RAP1GAP2: variants seen among roughly 807,000 people sequenced by gnomAD.
RAP1GAP2 encodes RAP1 GTPase activating protein 2.
A neutral mutation model predicts 95.0 loss-of-function variants in RAP1GAP2; 27 were observed. The ratio of observed to expected loss-of-function variants is 0.28; its 90% CI spans 0.21 to 0.39. RAP1GAP2 has a LOEUF of 0.39. Among genes scored for constraint, RAP1GAP2 ranks in the 10% least tolerant of loss-of-function variants. RAP1GAP2 has a pLI of 1.00. For synonymous variants in RAP1GAP2, 373 were observed against 380.9 expected (o/e 0.98, Z 0.24); for missense variants, 771 against 970.0 (o/e 0.79, Z 2.72).
chr17:2,990,219 G>C (rs1214823696), intron 11 of RAP1GAP2, among the ~76,000 whole-genome samples: 1 of 152,138 alleles, frequency 6.6e-6, no homozygotes, highest in African/African-American at 2.4e-5. Context: ...CATTTTCTGT[G>C]GACATGTTTT....
intron 12 of RAP1GAP2, among the ~76,000 whole-genome samples, chr17:2,993,620 GCT>G (rs1262720456): frequency 6.6e-6 from 1 of 150,734 alleles, no homozygotes; most frequent in Non-Finnish European, 1.5e-5. Flanking sequence ...ATAAGATAAT[GCT>G]CACGAAACAC....
At chr17:2,822,494 G>T (rs9914978) in intron 2 of RAP1GAP2, among the ~76,000 whole-genome samples, 29,054 of 151,892 alleles carry the variant, frequency 0.19, 4,296 homozygotes, top group African/African-American at 0.42. Flanking sequence ...GTGTTGTGTG[G>T]TATGTGCCTG....
At chr17:2,767,795 C>G (rs895864051) in intron 1 of RAP1GAP2, among the ~76,000 whole-genome samples, 1 of 150,946 alleles carries the variant, frequency 6.6e-6, no homozygotes, top group Non-Finnish European at 1.5e-5. Flanking sequence ...TGCGGTGGCA[C>G]GATCTTGGCT....
chr17:2,852,923 A>G (rs1219160674), intron 2 of RAP1GAP2, among the ~76,000 whole-genome samples: 1 of 152,010 alleles, frequency 6.6e-6, no homozygotes, highest in Non-Finnish European at 1.5e-5. Context: ...GAAGGAGATG[A>G]GGCTCGCGCG....
intron 18 of RAP1GAP2, among the ~76,000 whole-genome samples, chr17:3,018,708 T>C (rs893282191): frequency 3.9e-5 from 6 of 152,148 alleles, no homozygotes; most frequent in Admixed American, 1.3e-4. Flanking sequence ...TGTTCCCATT[T>C]GAGGAAAAGG....
chr17:2,772,856 T>C (rs954811405), upstream of RAP1GAP2, among the ~76,000 whole-genome samples: 5 of 121,112 alleles, frequency 4.1e-5, no homozygotes, highest in Non-Finnish European at 8.6e-5. Flanking sequence ...TCTTTCTTTC[T>C]TTTTTTTTTT....
chr17:2,818,186 C>T (rs2070117576), intron 2 of RAP1GAP2, among the ~76,000 whole-genome samples: 1 of 151,914 alleles, frequency 6.6e-6, no homozygotes, highest in African/African-American at 2.4e-5. Context: ...ATAAAACACA[C>T]ACATAAAGTT....
intron 2 of RAP1GAP2, among the ~76,000 whole-genome samples, chr17:2,819,795 C>CTTT (rs539808008): frequency 2.9e-5 from 4 of 138,216 alleles, no homozygotes; most frequent in Non-Finnish European, 4.7e-5. Flanking sequence ...TCTCTTTCTC[C>CTTT]TTTTTTTTTT....
rs1285907359 is a variant in RAP1GAP2 at position 2,781,518 on chromosome 17, G to A, written c.-14+4240G>A. On this transcript the variant is annotated intron_variant, in intron 1 of 24. Transcript: ENST00000540393. ...CTGAGCACACCCCTGTGTGTGCACC[G>A]TGTGAGCACGTCTCTGTGTGAGCAC... Among the ~76,000 whole-genome samples, 8 of 152,082 alleles carry A rather than the reference G, an allele frequency of 5.3e-5. No individual in the cohort carries two copies. In the South Asian group the frequency reaches 6.2e-4, roughly 12 times the overall value.
intron 3 of RAP1GAP2, among the ~76,000 whole-genome samples, chr17:2,920,164 C>T (rs1174500391): frequency 1.3e-5 from 2 of 152,186 alleles, no homozygotes; most frequent in Non-Finnish European, 1.5e-5. Context: ...ACCACCACGC[C>T]CTGCTAGGCT....
At chr17:2,998,976 C>T (rs907595241) in intron 14 of RAP1GAP2, among the ~76,000 whole-genome samples, 1 of 152,110 alleles carries the variant, frequency 6.6e-6, no homozygotes, top group African/African-American at 2.4e-5. Flanking sequence ...AGAGGAGGGG[C>T]CTGGTAGACC....
Position 2,796,651 on chromosome 17 carries a change from G to T in RAP1GAP2, c.44+80G>T. 1 of 1,469,126 alleles carries T rather than the reference G, an allele frequency of 6.8e-7. No individual in the cohort carries two copies. Among genetic ancestry groups the T allele is most frequent in the Non-Finnish European group, 9.3e-7 (1 of 1,072,358 alleles). 91.0% of individuals were successfully genotyped at this position (1,469,126 alleles called of 1,614,324 possible). On this transcript the variant is annotated intron_variant, in intron 1 of 24. Transcript: ENST00000254695. The surrounding 1 kb of genome is among the most constrained non-coding windows in gnomAD (Gnocchi z 4.7). ...TCTTGTTAAGTGCATTGGCGGCCGTGGGAACAGAGGGGCTCGGGCTGTGCC... is the reference window on the plus strand; with the variant it reads ...TCTTGTTAAGTGCATTGGCGGCCGTTGGAACAGAGGGGCTCGGGCTGTGCC...
At chr17:2,897,303 A>G (rs1380742981) in intron 2 of RAP1GAP2, among the ~76,000 whole-genome samples, 4 of 151,914 alleles carry the variant, frequency 2.6e-5, no homozygotes, top group East Asian at 3.9e-4. Context: ...GTGCCATTGC[A>G]CTCCAACCTG....
At chr17:2,898,526 G>T (rs1343601576) in intron 2 of RAP1GAP2, among the ~76,000 whole-genome samples, 3 of 152,204 alleles carry the variant, frequency 2.0e-5, no homozygotes, top group Non-Finnish European at 4.4e-5. Context: ...CTGTCCCCTT[G>T]GGGCTTGGAA....
At chr17:2,809,629 A>G (rs1202057793) in intron 2 of RAP1GAP2, among the ~76,000 whole-genome samples, 3 of 152,206 alleles carry the variant, frequency 2.0e-5, no homozygotes, top group Non-Finnish European at 4.4e-5. Flanking sequence ...GGATGGGAAG[A>G]CTCACGGTCC....
At chr17:2,988,888 T>C (rs1044097971) in intron 11 of RAP1GAP2, among the ~76,000 whole-genome samples, 4 of 152,070 alleles carry the variant, frequency 2.6e-5, no homozygotes, top group East Asian at 1.9e-4. Flanking sequence ...GGTGAAACCC[T>C]GTCTCTCCTA....
chr17:2,784,401 G>T lies in RAP1GAP2; in HGVS notation c.-14+7123G>T, dbSNP rs140315546. Among the ~76,000 whole-genome samples, 629 of 152,252 alleles carry T rather than the reference G, an allele frequency of 4.1e-3. 1 individual carries two copies. Among genetic ancestry groups the T allele is most frequent in the Non-Finnish European group, 7.3e-3 (494 of 68,030 alleles). On this transcript the variant is annotated intron_variant, in intron 1 of 24. Transcript: ENST00000540393. ...TTCTCCTGCCTCAGCCTCCCAAATA[G>T]CTGGGACTACAGGTGCCTGCCATGA...
intron 1 of RAP1GAP2, among the ~76,000 whole-genome samples, chr17:2,783,771 G>A (rs1034561050): frequency 1.3e-5 from 2 of 152,172 alleles, no homozygotes; most frequent in African/African-American, 4.8e-5. Context: ...AAGGTCTAGG[G>A]GCTGAAGCCA....
intron 3 of RAP1GAP2, among the ~76,000 whole-genome samples, chr17:2,914,742 G>A (rs1219794104): frequency 4.6e-5 from 7 of 150,782 alleles, no homozygotes; most frequent in African/African-American, 7.3e-5. Context: ...CACCCACCTC[G>A]GCCTCCCAAA....
Sources: gnomAD v4.1 joint callset for allele counts (sites outside exome capture counted in the v4.1 genomes callset) on GRCh38, gnomAD v4.1.1 for gene constraint, Gnocchi (gnomAD v3.1) non-coding constraint, MANE v1.5 for transcripts, NCBI Gene and HGNC (gene_info 2026-07-23, HGNC 2026-07-21) for gene names.